PLN: variants seen among roughly 807,000 people sequenced by gnomAD.
The protein encoded by PLN is phospholamban, also known as cardiac phospholamban.
A neutral mutation model predicts 3.9 loss-of-function variants in PLN; 1 was observed. The ratio of observed to expected loss-of-function variants is 0.26; its 90% CI spans 0.09 to 1.23. The LOEUF is 1.23. Ranked by LOEUF, PLN falls within the 50% of genes most tolerant of loss-of-function variation. PLN has a pLI of 0.48. For missense variants in PLN, 59 were observed against 62.7 expected (o/e 0.94, Z 0.20); for synonymous variants, 21 against 20.5 (o/e 1.02, Z -0.07).
rs939881579 is a variant in PLN, at chr6:118,561,082, C to T, written c.*2002C>T. On this transcript the variant is annotated 3_prime_UTR_variant, in exon 2 of 2. Coordinates refer to ENST00000357525, the MANE Select transcript of PLN (RefSeq NM_002667.5). ...GAGACACTATTAAATTTTCTGAACC[C>T]ATGAGAGATACTAGAGATGGGGAGT... 6.6e-6 allele frequency among the ~76,000 whole-genome samples: 1 copy of T among 152,092 alleles called. No homozygotes were observed. Among genetic ancestry groups the T allele is most frequent in the African/African-American group, 2.4e-5 (1 of 41,420 alleles).
rs554637487 is a variant in PLN, at chr6:118,560,448, T to C, written c.*1368T>C. The C allele has an allele frequency of 6.0e-6, 1 of 167,156 alleles. No homozygotes were observed. Among genetic ancestry groups the C allele is most frequent in the South Asian group, 2.1e-4 (1 of 4,816 alleles). 10.4% of individuals were successfully genotyped at this position (167,156 alleles called of 1,614,324 possible). On this transcript the variant is annotated 3_prime_UTR_variant, in exon 2 of 2. Transcript: ENST00000357525. ...CATAAAAGTCTTCATTCTCATTGTC[T>C]TCACATTGAGTAGGCAGAGGAGGAG...
At chr6:118,553,453 G>A (rs1404015116) in intron 1 of PLN, among the ~76,000 whole-genome samples, 6 of 152,098 alleles carry the variant, frequency 3.9e-5, no homozygotes, top group African/African-American at 1.4e-4. Flanking sequence ...GTATTCAGTA[G>A]AACTAGGATT....
chr6:118,551,197 A>C (rs1583028612), intron 1 of PLN, among the ~76,000 whole-genome samples: 1 of 151,874 alleles, frequency 6.6e-6, no homozygotes, highest in East Asian at 1.9e-4. Context: ...ACCCAGAGTA[A>C]TTCTGAAGCA....
chr6:118,548,796 G>A (rs1208891371), intron 1 of PLN, among the ~76,000 whole-genome samples: 1 of 152,034 alleles, frequency 6.6e-6, no homozygotes, highest in African/African-American at 2.4e-5. Flanking sequence ...CTGAGAAACA[G>A]TGCAGAACTG....
rs1184778081 is a variant in PLN, at chr6:118,560,033, A to C, written c.*953A>C. The C allele has an allele frequency of 3.0e-5, 5 of 167,134 alleles. No homozygotes were observed. Among genetic ancestry groups the C allele is most frequent in the African/African-American group, 1.2e-4 (5 of 41,462 alleles). The allele number at this position is 167,134 out of a possible 1,614,324, so 10.4% of individuals were successfully genotyped here. On this transcript the variant is annotated 3_prime_UTR_variant, in exon 2 of 2. Transcript: ENST00000357525. ...TTCCAGCCTAACATCCAATGCAGGC[A>C]AGGAAAATAAAAGATTTCCAGTGAC...
chr6:118,553,909 A>C (rs898384213), intron 1 of PLN, among the ~76,000 whole-genome samples: 1 of 152,228 alleles, frequency 6.6e-6, no homozygotes, highest in African/African-American at 2.4e-5. Context: ...CTGTGATAGA[A>C]AGAGACTTGA....
At chr6:118,557,548 C>G (rs146050470) in intron 1 of PLN, among the ~76,000 whole-genome samples, 2,445 of 152,264 alleles carry the variant, frequency 0.016, 32 homozygotes, top group Non-Finnish European at 0.027. Context: ...ATTAGGTTCA[C>G]TGGCATGTTT....
chr6:118,552,427 A>G (rs1246137459), intron 1 of PLN, among the ~76,000 whole-genome samples: 2 of 152,066 alleles, frequency 1.3e-5, no homozygotes, highest in African/African-American at 4.8e-5. Flanking sequence ...AAAAGTTTTC[A>G]GAAGACTATT....
intron 1 of PLN, among the ~76,000 whole-genome samples, chr6:118,549,543 C>T (rs1305748575): frequency 6.6e-6 from 1 of 151,688 alleles, no homozygotes; most frequent in Non-Finnish European, 1.5e-5. Flanking sequence ...AATTCTATTG[C>T]TCACTACAAA....
intron 1 of PLN, among the ~76,000 whole-genome samples, chr6:118,552,691 T>C (rs1778622211): frequency 6.6e-6 from 1 of 151,990 alleles, no homozygotes; most frequent in Admixed American, 6.6e-5. Flanking sequence ...GTTACTTTTC[T>C]TGAGGAAAGG....
chr6:118,553,928 T>C (rs1778695035), intron 1 of PLN, among the ~76,000 whole-genome samples: 1 of 152,194 alleles, frequency 6.6e-6, no homozygotes, highest in Non-Finnish European at 1.5e-5. Flanking sequence ...GAGGAAAATA[T>C]TAGAGCTTAC....
rs1779153628 is a variant in PLN at position 118,560,379 on chromosome 6, A to G, written c.*1299A>G. 6.0e-6 allele frequency: 1 copy of G among 166,998 alleles called. No homozygotes were observed. Among genetic ancestry groups the G allele is most frequent in the Admixed American group, 6.5e-5 (1 of 15,282 alleles). 10.3% of individuals were successfully genotyped at this position (166,998 alleles called of 1,614,324 possible). On this transcript the variant is annotated 3_prime_UTR_variant, in exon 2 of 2. Transcript: ENST00000357525. ...AAAATGTTATTTAGAAAATCATAAGAAAGAGAAAATATATTTACTATTCAT... is the reference window on the plus strand; with the variant it reads ...AAAATGTTATTTAGAAAATCATAAGGAAGAGAAAATATATTTACTATTCAT...
intron 1 of PLN, among the ~76,000 whole-genome samples, chr6:118,556,180 T>A (rs1399541699): frequency 2.0e-5 from 3 of 152,234 alleles, no homozygotes; most frequent in Admixed American, 6.5e-5. Flanking sequence ...ATGGGATTGT[T>A]GGGTCGAATG....
chr6:118,555,352 CGGG>C (rs914808845), intron 1 of PLN, among the ~76,000 whole-genome samples: 2 of 147,560 alleles, frequency 1.4e-5, no homozygotes, highest in Non-Finnish European at 3.0e-5. Flanking sequence ...GGCGTGAACC[CGGG>C]AGGTGGAGCT....
rs1361746118 is a variant in PLN, at chr6:118,559,635, A to G, written c.*555A>G. 5.9e-6 allele frequency: 1 copy of G among 169,518 alleles called. No individual in the cohort carries two copies. Among genetic ancestry groups the G allele is most frequent in the Non-Finnish European group, 1.4e-5 (1 of 69,708 alleles). 10.5% of individuals were successfully genotyped at this position (169,518 alleles called of 1,614,324 possible). A position where few individuals can be genotyped will look rare whatever the true frequency, so the allele number is the denominator to read the frequency against. On this transcript the variant is annotated 3_prime_UTR_variant, in exon 2 of 2. Transcript: ENST00000357525. ...TAGTAACTATCAGAATCTACATTCT[A>G]AAACAGAAATTGTATTTTTTCTATG...
At chr6:118,556,701 T>A (rs1359135109) in intron 1 of PLN, among the ~76,000 whole-genome samples, 1 of 152,170 alleles carries the variant, frequency 6.6e-6, no homozygotes, top group Non-Finnish European at 1.5e-5. Context: ...AATATGTTGA[T>A]TAACAATAAT....
In PLN at chr6:118,558,844, T is replaced by G; in HGVS notation, c.-78T>G. Reference sequence around the variant, plus strand: ...TTCCAGGCTACCTAAAAGAAGACAGTTATCTCATATTTGGCTGCCAGCTTT... The same window carrying G: ...TTCCAGGCTACCTAAAAGAAGACAGGTATCTCATATTTGGCTGCCAGCTTT... On this transcript the variant is annotated 5_prime_UTR_variant, in exon 2 of 2. Transcript: ENST00000357525. 1.0e-6 allele frequency: 1 copy of G among 953,988 alleles called. No individual in the cohort carries two copies. The highest frequency in any genetic ancestry group is 1.7e-6 in the Non-Finnish European group (1 of 583,806). The allele number at this position is 953,988 out of a possible 1,614,324, so 59.1% of individuals were successfully genotyped here.
chr6:118,556,236 T>A (rs115262846), intron 1 of PLN, among the ~76,000 whole-genome samples: 1 of 152,232 alleles, frequency 6.6e-6, no homozygotes, highest in South Asian at 2.1e-4. Context: ...AGAAGTGTTA[T>A]AGACAACCTA....
At chr6:118,552,501 AAAGT>A (rs753989507) in intron 1 of PLN, among the ~76,000 whole-genome samples, 3 of 152,024 alleles carry the variant, frequency 2.0e-5, no homozygotes, top group African/African-American at 4.8e-5. Flanking sequence ...CACTGCAGAC[AAAGT>A]AAGGACTCCT....
Sources: gnomAD v4.1 joint callset for allele counts (sites outside exome capture counted in the v4.1 genomes callset) on GRCh38, gnomAD v4.1.1 for gene constraint, MANE v1.5 for transcripts, NCBI Gene and HGNC (gene_info 2026-07-23, HGNC 2026-07-21) for gene names.